IBA57: variants seen among roughly 807,000 people sequenced by gnomAD.
IBA57 encodes the protein iron-sulfur cluster assembly factor IBA57.
A neutral mutation model predicts 20.4 loss-of-function variants in IBA57; 20 were observed. The observed-to-expected ratio is 0.98, with a 90% CI of 0.69 to 1.42. The LOEUF is 1.42. Among genes scored for constraint, IBA57 ranks in the 40% most tolerant of loss-of-function variants. The probability of loss-of-function intolerance (pLI) is 0.00; values close to 1 mark genes in which losing one functional copy is unlikely to be tolerated. For missense variants in IBA57, 608 were observed against 499.3 expected (o/e 1.22, Z -2.07); for synonymous variants, 310 against 233.9 (o/e 1.33, Z -2.97).
rs1011953182 is a variant in IBA57 at position 228,181,326 on chromosome 1, A to G, written c.*5813A>G. On this transcript the variant is annotated 3_prime_UTR_variant, in exon 3 of 3. Coordinates refer to ENST00000366711, the MANE Select transcript of IBA57 (RefSeq NM_001010867.4). ...CAGGTATTCTCTTGTAGCAGCACAA[A>G]TGGAGGCAGACACTTCCTTCACCAA... is the stretch of plus-strand genomic sequence containing the variant. The G allele has an allele frequency of 5.3e-5, 8 of 152,242 alleles. No individual in the cohort carries two copies. The highest frequency in any genetic ancestry group is 1.0e-4 in the Non-Finnish European group (7 of 68,100). 9.4% of individuals were successfully genotyped at this position (152,242 alleles called of 1,614,324 possible).
In IBA57 at chr1:228,179,827, A is replaced by G. The variant is rs1194153113; in HGVS notation, c.*4314A>G. The G allele has an allele frequency of 6.6e-6, 1 of 152,192 alleles. No individual in the cohort carries two copies. Among genetic ancestry groups the G allele is most frequent in the African/African-American group, 2.4e-5 (1 of 41,430 alleles). 9.4% of individuals were successfully genotyped at this position (152,192 alleles called of 1,614,324 possible). Reference sequence around the variant, plus strand: ...TTCAAAGTCCTGGGAGAAAATAGTGATAGCCTAGAATTGTGTACCCAGAAA... The same window carrying G: ...TTCAAAGTCCTGGGAGAAAATAGTGGTAGCCTAGAATTGTGTACCCAGAAA... On this transcript the variant is annotated 3_prime_UTR_variant, in exon 3 of 3. Transcript: ENST00000366711.
chr1:228,173,404 C>CCCA (rs1553264442), intron 1 of IBA57: 4 of 133,012 alleles, frequency 3.0e-5, no homozygotes, highest in South Asian at 5.7e-4. Context: ...TTAGTGCCCC[C>CCCA]CCCCCCGACA....
rs563218832 is a variant in IBA57 at position 228,178,123 on chromosome 1, A to G, written c.*2610A>G. 2.0e-5 allele frequency: 3 copies of G among 152,296 alleles called. No homozygotes were observed. Among genetic ancestry groups the G allele is most frequent in the African/African-American group, 7.2e-5 (3 of 41,534 alleles). The allele number at this position is 152,296 out of a possible 1,614,324, so 9.4% of individuals were successfully genotyped here. On this transcript the variant is annotated 3_prime_UTR_variant, in exon 3 of 3. Transcript: ENST00000366711. ...CTCACACCTCCTGCCTCCCCTCGTT[A>G]GAGTCCCCCACATCCGCCTTCCACT...
rs1458538010 is a variant in IBA57 at position 228,170,219 on chromosome 1, GT to G, written c.341+4065del. 1.3e-5 allele frequency among the ~76,000 whole-genome samples: 2 copies of G among 152,178 alleles called. No individual in the cohort carries two copies. The highest frequency in any genetic ancestry group is 6.5e-5 in the Admixed American group (1 of 15,280). Reference sequence around the variant, plus strand: ...TTAGTATTCCATTGGATGGACCACAGTTTATTTGTCCACTCATCTACTGAGG... The same window carrying G: ...TTAGTATTCCATTGGATGGACCACAGTTATTTGTCCACTCATCTACTGAGG... On this transcript the variant is annotated intron_variant, in intron 1 of 2. Coordinates refer to ENST00000366711, the MANE Select transcript of IBA57 (RefSeq NM_001010867.4). The surrounding 1 kb of genome is among the most constrained non-coding windows in gnomAD (Gnocchi z 4.8).
Position 228,179,404 on chromosome 1 carries a change from G to A in IBA57, c.*3891G>A, listed in dbSNP as rs1199349644. 6.6e-6 allele frequency: 1 copy of A among 152,212 alleles called. No homozygotes were observed. The highest frequency in any genetic ancestry group is 1.5e-5 in the Non-Finnish European group (1 of 68,032). The allele number at this position is 152,212 out of a possible 1,614,324, so 9.4% of individuals were successfully genotyped here. On this transcript the variant is annotated 3_prime_UTR_variant, in exon 3 of 3. Transcript: ENST00000366711. ...TGTGTTTCCTGAAGAATCGGGAACT[G>A]TTTGAAGAAATGACCCAAAGTGCAG...
intron 1 of IBA57, among the ~76,000 whole-genome samples, chr1:228,169,935 C>T (rs896842697): frequency 3.9e-5 from 6 of 151,982 alleles, no homozygotes; most frequent in East Asian, 1.9e-4. Flanking sequence ...GGCGCAATCT[C>T]GGCTCACTGC....
In IBA57 at chr1:228,170,682, G is replaced by T. The variant is rs1227958540; in HGVS notation, c.342-4010G>T. ...GTAGGGTCATGTTGCAGGTAGGATTGTGGTCCAGTGGCCTTGCTGCGAGCT... is the reference window on the plus strand; with the variant it reads ...GTAGGGTCATGTTGCAGGTAGGATTTTGGTCCAGTGGCCTTGCTGCGAGCT... On this transcript the variant is annotated intron_variant, in intron 1 of 2. Coordinates refer to ENST00000366711, the MANE Select transcript of IBA57 (RefSeq NM_001010867.4). The surrounding 1 kb of genome is among the most constrained non-coding windows in gnomAD (Gnocchi z 4.8). Among the ~76,000 whole-genome samples, 1 of 152,198 alleles carries T rather than the reference G, an allele frequency of 6.6e-6. No homozygotes were observed. The highest frequency in any genetic ancestry group is 1.5e-5 in the Non-Finnish European group (1 of 68,036).
intron 1 of IBA57, chr1:228,172,084 G>T (rs373595910): frequency 2.9e-5 from 4 of 140,344 alleles, no homozygotes; most frequent in South Asian, 2.2e-4. Flanking sequence ...TTTTTTTGTT[G>T]TTGTTGTTGT....
rs1461973907 is a variant in IBA57, at chr1:228,178,897, G to A, written c.*3384G>A. ...GAAAGGCAAGGCAGGGCAGATGTGC[G>A]GCTGGCCAGCTGGAGTGATTTCCAT... On this transcript the variant is annotated 3_prime_UTR_variant, in exon 3 of 3. Coordinates refer to ENST00000366711, the MANE Select transcript of IBA57 (RefSeq NM_001010867.4). 2.0e-5 allele frequency: 3 copies of A among 152,094 alleles called. No individual in the cohort carries two copies. Among genetic ancestry groups the A allele is most frequent in the African/African-American group, 4.8e-5 (2 of 41,416 alleles). 9.4% of individuals were successfully genotyped at this position (152,094 alleles called of 1,614,324 possible).
rs150535630 is a variant in IBA57, at chr1:228,174,815, G to C, written c.465G>C (p.Pro155=). 6.2e-7 allele frequency: 1 copy of C among 1,610,526 alleles called. No individual in the cohort carries two copies. Among genetic ancestry groups the C allele is most frequent in the Non-Finnish European group, 8.5e-7 (1 of 1,179,228 alleles). ...GGAAGGTCACGGTGGAGCCGCACCC[G>C]GAGCTGCGAGTGTGGGCGGTGTTGC... ...IRRKVTVEPH[P]ELRVWAVLPS... Residue 155 remains proline, a synonymous_variant, in exon 2 of 3, where the codon CCG becomes CCC. Transcript: ENST00000366711.
chr1:228,182,096 G>A lies in IBA57; in HGVS notation c.*6583G>A, dbSNP rs2035120376. The A allele has an allele frequency of 6.6e-6, 1 of 152,130 alleles. No individual in the cohort carries two copies. The highest frequency in any genetic ancestry group is 6.5e-5 in the Admixed American group (1 of 15,282). 9.4% of individuals were successfully genotyped at this position (152,130 alleles called of 1,614,324 possible). A position where few individuals can be genotyped will look rare whatever the true frequency, so the allele number is the denominator to read the frequency against. On this transcript the variant is annotated 3_prime_UTR_variant, in exon 3 of 3. Coordinates refer to ENST00000366711, the MANE Select transcript of IBA57 (RefSeq NM_001010867.4). ...TTGTTTTATGTCAGACTCTCTCAGT[G>A]AGAAGTTCTCAGGGACAATAATAGC...
chr1:228,166,072 GCGGGGGCCC>G lies in IBA57; in HGVS notation c.259_267del (p.Gly87_Pro89del). 6.5e-7 allele frequency: 1 copy of G among 1,537,198 alleles called. No homozygotes were observed. Among genetic ancestry groups the G allele is most frequent in the South Asian group, 1.2e-5 (1 of 82,732 alleles). On this transcript the variant is annotated inframe_deletion, in exon 1 of 3. Coordinates refer to ENST00000366711, the MANE Select transcript of IBA57 (RefSeq NM_001010867.4). ...ACTGCCGCTTCCGAGTCCTGCGGCC[GCGGGGGCCC>G]CGCCTGCTGCGCGCGCGGGCTACGC...
rs2035072278 is a variant in IBA57 at position 228,179,205 on chromosome 1, A to G, written c.*3692A>G. ...CAGAAAGGCAGACAGAAGCACACAC[A>G]CCAATGTTCTGATCTTAGAGTAAGC... On this transcript the variant is annotated 3_prime_UTR_variant, in exon 3 of 3. Coordinates refer to ENST00000366711, the MANE Select transcript of IBA57 (RefSeq NM_001010867.4). The G allele has an allele frequency of 6.6e-6, 1 of 152,056 alleles. No individual in the cohort carries two copies. Among genetic ancestry groups the G allele is most frequent in the Non-Finnish European group, 1.5e-5 (1 of 68,032 alleles). 9.4% of individuals were successfully genotyped at this position (152,056 alleles called of 1,614,324 possible). A position where few individuals can be genotyped will look rare whatever the true frequency, so the allele number is the denominator to read the frequency against.
In IBA57 at chr1:228,166,097, C is replaced by G; in HGVS notation, c.281C>G (p.Ala94Gly). 1 of 1,537,604 alleles carries G rather than the reference C, an allele frequency of 6.5e-7. No individual in the cohort carries two copies. The highest frequency in any genetic ancestry group is 1.2e-5 in the South Asian group (1 of 82,412). The stretch of plus-strand genomic sequence containing the variant: ...GCGGGGGCCCCGCCTGCTGCGCGCG[C>G]GGGCTACGCCCACTTCCTGAACGTG... ...AAAGAPPAARAGYAHFLNVQG... is the reference protein window; with the variant it reads ...AAAGAPPAARGGYAHFLNVQG... The change falls in exon 1 of 3, where the codon GCG (alanine) becomes GGG (glycine). Residue 94 changes from alanine to glycine, a missense_variant. Physicochemically the swap from Ala to Gly is moderately conservative, Grantham distance 60 (BLOSUM62 0). Transcript: ENST00000366711.
In IBA57 at chr1:228,181,483, C is replaced by T. The variant is rs1271216867; in HGVS notation, c.*5970C>T. ...CCTCTGGCCAGCCTGGGCATCTCCACCCAATATGAGTGATGGCGACTGATT... is the reference window on the plus strand; with the variant it reads ...CCTCTGGCCAGCCTGGGCATCTCCATCCAATATGAGTGATGGCGACTGATT... On this transcript the variant is annotated 3_prime_UTR_variant, in exon 3 of 3. Transcript: ENST00000366711. 6.6e-6 allele frequency: 1 copy of T among 152,344 alleles called. No individual in the cohort carries two copies. Among genetic ancestry groups the T allele is most frequent in the Non-Finnish European group, 1.5e-5 (1 of 68,128 alleles). 9.4% of individuals were successfully genotyped at this position (152,344 alleles called of 1,614,324 possible). A position where few individuals can be genotyped will look rare whatever the true frequency, so the allele number is the denominator to read the frequency against.
chr1:228,175,080 G>A (rs2034991088), intron 2 of IBA57, 42 bp from the exon 3 acceptor site: 1 of 1,588,328 alleles, frequency 6.3e-7, no homozygotes, highest in South Asian at 1.2e-5. Flanking sequence ...GGAGCTGGAC[G>A]ATGTTCAATT....
rs2035047969 is a variant in IBA57 at position 228,177,766 on chromosome 1, T to C, written c.*2253T>C. The stretch of plus-strand genomic sequence containing the variant: ...TTCTGTGTCTTTAAAAAGGAAAGTG[T>C]CAGTCAACAAAAGAGCCCCTCTGTC... On this transcript the variant is annotated 3_prime_UTR_variant, in exon 3 of 3. Coordinates refer to ENST00000366711, the MANE Select transcript of IBA57 (RefSeq NM_001010867.4). The C allele has an allele frequency of 6.6e-6, 1 of 152,176 alleles. No individual in the cohort carries two copies. Among genetic ancestry groups the C allele is most frequent in the Non-Finnish European group, 1.5e-5 (1 of 68,052 alleles). The allele number at this position is 152,176 out of a possible 1,614,324, so 9.4% of individuals were successfully genotyped here. A position where few individuals can be genotyped will look rare whatever the true frequency, so the allele number is the denominator to read the frequency against.
At position 228,165,831 on chromosome 1, in the gene IBA57, G is replaced by T. The variant is rs1032851873; in HGVS notation, c.15G>T (p.Ala5=). ...TCTTGTCCAAGATGGCGACCGCGGC[G>T]CTGCTTCGAGGCGCCACTCCGGGGC... MATA[A]LLRGATPGRG... is the part of the protein sequence containing the mutation. Residue 5 remains alanine, a synonymous_variant, in exon 1 of 3, where the codon GCG becomes GCT. Coordinates refer to ENST00000366711, the MANE Select transcript of IBA57 (RefSeq NM_001010867.4). The T allele has an allele frequency of 4.6e-6, 6 of 1,304,200 alleles. No homozygotes were observed. The highest frequency in any genetic ancestry group is 4.8e-6 in the Non-Finnish European group (5 of 1,031,536). 80.8% of individuals were successfully genotyped at this position (1,304,200 alleles called of 1,614,324 possible).
At chr1:228,167,706 T>A (rs1056606798) in intron 1 of IBA57, among the ~76,000 whole-genome samples, 1 of 152,204 alleles carries the variant, frequency 6.6e-6, no homozygotes, top group Non-Finnish European at 1.5e-5. Flanking sequence ...AGTGTGGCCC[T>A]CAAGCCTAAG....
Sources: allele counts gnomAD v4.1 joint callset (sites outside exome capture counted in the v4.1 genomes callset), GRCh38; gene constraint gnomAD v4.1.1; non-coding constraint Gnocchi (gnomAD v3.1); transcripts MANE v1.5; gene names NCBI Gene and HGNC (gene_info 2026-07-23, HGNC 2026-07-21).